PLPP4: variants seen among roughly 807,000 people sequenced by gnomAD.
PLPP4 encodes phospholipid phosphatase 4.
A neutral mutation model predicts 32.2 loss-of-function variants in PLPP4; 20 were observed. The observed-to-expected ratio is 0.62, with a 90% CI of 0.44 to 0.90. The LOEUF (loss-of-function observed/expected upper bound fraction) is 0.90, where lower values mean the gene tolerates loss of function less well. Ranked by LOEUF, PLPP4 falls within the 40% of genes least tolerant of loss-of-function variation. The probability of loss-of-function intolerance (pLI) is 0.00; values close to 1 mark genes in which losing one functional copy is unlikely to be tolerated. For missense variants in PLPP4, 257 were observed against 353.1 expected (o/e 0.73, Z 2.18); for synonymous variants, 127 against 133.0 (o/e 0.95, Z 0.31).
intron 5 of PLPP4, among the ~76,000 whole-genome samples, chr10:120,574,192 TCTCTCTCTCTC>T (rs1849100396): frequency 1.4e-5 from 2 of 144,448 alleles, no homozygotes; most frequent in Non-Finnish European, 3.0e-5. Context: ...TCTCTCTCTC[TCTCTCTCTCTC>T]TCTCTCTCTC....
At chr10:120,503,209 G>A (rs1291778893) in intron 1 of PLPP4, among the ~76,000 whole-genome samples, 1 of 152,202 alleles carries the variant, frequency 6.6e-6, no homozygotes, top group African/African-American at 2.4e-5. Context: ...AGCCCCAAAT[G>A]ACTTGGCTTC....
chr10:120,579,771 A>G (rs972219358), intron 6 of PLPP4, among the ~76,000 whole-genome samples: 1 of 152,008 alleles, frequency 6.6e-6, no homozygotes, highest in Non-Finnish European at 1.5e-5. Context: ...TGAAATCAAA[A>G]GTGAGCATCA....
intron 5 of PLPP4, among the ~76,000 whole-genome samples, chr10:120,548,360 T>C (rs371169489): frequency 3.3e-5 from 5 of 152,144 alleles, no homozygotes; most frequent in African/African-American, 9.7e-5. Context: ...TTAGTTTGCT[T>C]AGGATAAAGG....
intron 1 of PLPP4, among the ~76,000 whole-genome samples, chr10:120,461,802 A>T (rs184035175): frequency 6.6e-6 from 1 of 152,176 alleles, no homozygotes; most frequent in Admixed American, 6.5e-5. Context: ...CACTTGATGG[A>T]TATTTGGCAC....
chr10:120,463,610 G>A (rs938697643), intron 1 of PLPP4, among the ~76,000 whole-genome samples: 2 of 152,218 alleles, frequency 1.3e-5, no homozygotes, highest in African/African-American at 4.8e-5. Flanking sequence ...TACATGTAGT[G>A]TCTAAGAATG....
At chr10:120,566,334 G>T (rs1353094975) in intron 5 of PLPP4, among the ~76,000 whole-genome samples, 1 of 151,988 alleles carries the variant, frequency 6.6e-6, no homozygotes, top group African/African-American at 2.4e-5. Context: ...TTTGCCAATT[G>T]CCTGACAGCA....
At chr10:120,567,628 G>A (rs1351709334) in intron 5 of PLPP4, among the ~76,000 whole-genome samples, 1 of 152,192 alleles carries the variant, frequency 6.6e-6, no homozygotes, top group Non-Finnish European at 1.5e-5. Context: ...TATCTTGAGG[G>A]AGATCCGGAG....
intron 2 of PLPP4, among the ~76,000 whole-genome samples, chr10:120,505,287 G>A (rs1845443860): frequency 6.6e-6 from 1 of 152,234 alleles, no homozygotes; most frequent in South Asian, 2.1e-4. Flanking sequence ...CAGAGTGTCT[G>A]GGACTCCTTG....
In PLPP4 at chr10:120,574,168, A is replaced by ACTCTCT. The variant is rs58917160; in HGVS notation, c.446-913_446-908dup. On this transcript the variant is annotated intron_variant, in intron 5 of 6. Coordinates refer to ENST00000398250, the MANE Select transcript of PLPP4 (RefSeq NM_001030059.3). ...CACACACACACACACACACACACACACTCTCTCTCTCTCTCTCTCTCTCTC... is the reference window on the plus strand; with the variant it reads ...CACACACACACACACACACACACACACTCTCTCTCTCTCTCTCTCTCTCTCTCTCTC... Among the ~76,000 whole-genome samples, 9 of 47,118 alleles carry ACTCTCT rather than the reference A, an allele frequency of 1.9e-4. 1 individual carries two copies. The highest frequency in any genetic ancestry group is 1.9e-3 in the South Asian group (2 of 1,054). The allele number at this position is 47,118 out of a possible 152,430, so 30.9% of individuals were successfully genotyped here.
intron 5 of PLPP4, among the ~76,000 whole-genome samples, chr10:120,534,912 C>T (rs1846939723): frequency 6.6e-6 from 1 of 152,122 alleles, no homozygotes; most frequent in South Asian, 2.1e-4. Context: ...ATAATGGCTA[C>T]TTTGAAGTCT....
chr10:120,481,752 A>G (rs995370836), intron 1 of PLPP4, among the ~76,000 whole-genome samples: 1 of 152,220 alleles, frequency 6.6e-6, no homozygotes, highest in Admixed American at 6.5e-5. Flanking sequence ...CTGAGATTCT[A>G]CTGTGCTGCC....
chr10:120,585,060 G>A (rs1321832778), intron 6 of PLPP4, among the ~76,000 whole-genome samples: 1 of 152,202 alleles, frequency 6.6e-6, no homozygotes, highest in Admixed American at 6.5e-5. Flanking sequence ...TTGCTCTTTG[G>A]TCTGTTTAGT....
intron 4 of PLPP4, among the ~76,000 whole-genome samples, chr10:120,520,555 G>T (rs1846106790): frequency 2.0e-5 from 3 of 152,328 alleles, no homozygotes; most frequent in Admixed American, 1.3e-4. Flanking sequence ...CTAGTCCACA[G>T]ATGGCATGAA....
At chr10:120,500,966 A>T (rs1589773690) in intron 1 of PLPP4, among the ~76,000 whole-genome samples, 1 of 152,136 alleles carries the variant, frequency 6.6e-6, no homozygotes, top group Non-Finnish European at 1.5e-5. Flanking sequence ...AGTATCACTG[A>T]TTCCCCCCAC....
intron 5 of PLPP4, among the ~76,000 whole-genome samples, chr10:120,525,406 T>G (rs1325605152): frequency 1.3e-5 from 2 of 152,246 alleles, no homozygotes; most frequent in Non-Finnish European, 2.9e-5. Flanking sequence ...GGAATACATT[T>G]TTTAAATGAC....
intron 3 of PLPP4, among the ~76,000 whole-genome samples, chr10:120,516,272 T>G (rs1018990573): frequency 2.0e-5 from 3 of 152,242 alleles, no homozygotes; most frequent in Non-Finnish European, 4.4e-5. Flanking sequence ...GGTTTAGTTC[T>G]TAGCATGCTT....
chr10:120,514,980 G>T (rs1483103652), intron 3 of PLPP4, among the ~76,000 whole-genome samples: 1 of 152,102 alleles, frequency 6.6e-6, no homozygotes, highest in East Asian at 1.9e-4. Context: ...AGCAAAATAT[G>T]ATCCTCCCTT....
At chr10:120,482,778 G>C (rs562940248) in intron 1 of PLPP4, among the ~76,000 whole-genome samples, 2 of 152,176 alleles carry the variant, frequency 1.3e-5, no homozygotes, top group East Asian at 3.9e-4. Flanking sequence ...CAGGCATGGT[G>C]GCGGGTGCCT....
At chr10:120,478,976 C>T (rs1275368132) in intron 1 of PLPP4, among the ~76,000 whole-genome samples, 1 of 152,218 alleles carries the variant, frequency 6.6e-6, no homozygotes, top group Non-Finnish European at 1.5e-5. Context: ...CCTGTAATCC[C>T]AGCACTTTGG....
Sources: allele counts gnomAD v4.1 joint callset (sites outside exome capture counted in the v4.1 genomes callset), GRCh38; gene constraint gnomAD v4.1.1; transcripts MANE v1.5; gene names NCBI Gene and HGNC (gene_info 2026-07-23, HGNC 2026-07-21).